Variants in FGGY observed in about 807,000 individuals in gnomAD.
The protein encoded by FGGY is FGGY carbohydrate kinase domain containing.
Under a neutral mutation model 71.3 loss-of-function variants are expected in FGGY, and 72 were observed. The observed-to-expected ratio is 1.01, with a 90% CI of 0.84 to 1.23. FGGY has a LOEUF of 1.23. Among genes scored for constraint, FGGY ranks in the 50% most tolerant of loss-of-function variants. The pLI is 0.00. For missense variants in FGGY, 668 were observed against 682.3 expected (o/e 0.98, Z 0.23); for synonymous variants, 251 against 250.3 (o/e 1.00, Z -0.02).
chr1:59,480,301 C>T (rs1175880268), intron 6 of FGGY, among the ~76,000 whole-genome samples: 1 of 152,168 alleles, frequency 6.6e-6, no homozygotes, highest in Non-Finnish European at 1.5e-5. Context: ...TCTCTGACCT[C>T]AGTTGCCCTC....
At position 59,709,465 on chromosome 1, in the gene FGGY, A is replaced by ATC. The variant is rs762458090; in HGVS notation, c.1512+35333_1512+35334dup. Among the ~76,000 whole-genome samples the ATC allele has an allele frequency of 3.4e-3, 309 of 90,670 alleles. 1 individual carries two copies. Among genetic ancestry groups the ATC allele is most frequent in the African/African-American group, 0.012 (283 of 23,674 alleles). 59.5% of individuals were successfully genotyped at this position (90,670 alleles called of 152,430 possible). A position where few individuals can be genotyped will look rare whatever the true frequency, so the allele number is the denominator to read the frequency against. On this transcript the variant is annotated intron_variant, in intron 14 of 15. Transcript: ENST00000303721. ...AGGTGGAGACACAGAATGAAACTAT[A>ATC]TCACACACACACACACACACACACA... is the stretch of plus-strand genomic sequence containing the variant.
chr1:59,310,401 C>A (rs910558536), intron 1 of FGGY, among the ~76,000 whole-genome samples: 2 of 152,146 alleles, frequency 1.3e-5, no homozygotes, highest in East Asian at 3.8e-4. Context: ...AAAGAGAGGT[C>A]AGGAATTCAC....
intron 8 of FGGY, among the ~76,000 whole-genome samples, chr1:59,602,460 A>T (rs139744985): frequency 0.015 from 2,304 of 152,300 alleles, 58 homozygotes; most frequent in African/African-American, 0.052. Flanking sequence ...TTAAAGGCTC[A>T]TTTCAGTGGG....
chr1:59,678,173 A>G (rs996239614), intron 14 of FGGY, among the ~76,000 whole-genome samples: 2 of 152,222 alleles, frequency 1.3e-5, no homozygotes, highest in East Asian at 1.9e-4. Context: ...AGCCACAGAT[A>G]TGCTGCTCTC....
chr1:59,387,161 A>G (rs1358321504), intron 5 of FGGY, among the ~76,000 whole-genome samples: 3 of 152,130 alleles, frequency 2.0e-5, no homozygotes, highest in African/African-American at 7.2e-5. Context: ...ATTGATCTGT[A>G]GTCATTTTCT....
At chr1:59,480,062 C>T (rs1043367438) in intron 6 of FGGY, among the ~76,000 whole-genome samples, 22 of 152,284 alleles carry the variant, frequency 1.4e-4, no homozygotes, top group African/African-American at 3.9e-4. Flanking sequence ...CCCATAATCT[C>T]GCAACTGGAT....
chr1:59,616,245 A>T lies in FGGY; in HGVS notation c.1011+8335A>T, dbSNP rs557478601. On this transcript the variant is annotated intron_variant, in intron 9 of 15. Coordinates refer to ENST00000303721, the MANE Select transcript of FGGY (RefSeq NM_018291.5). ...GTCTTGGAACCAAGCCAAACATCCA[A>T]CAATGATAGACTGGATTAAGAAAAT... Among the ~76,000 whole-genome samples, 8 of 152,358 alleles carry T rather than the reference A, an allele frequency of 5.3e-5. No homozygotes were observed. The South Asian group carries it at 1.4e-3, about 28-fold the overall frequency.
chr1:59,729,961 A>G (rs907223234), intron 14 of FGGY, among the ~76,000 whole-genome samples: 2 of 152,150 alleles, frequency 1.3e-5, no homozygotes, highest in Admixed American at 6.5e-5. Context: ...AAAATATTTT[A>G]CAGTGTTTAC....
intron 14 of FGGY, among the ~76,000 whole-genome samples, chr1:59,717,869 G>A (rs537834103): frequency 3.3e-5 from 5 of 152,158 alleles, no homozygotes; most frequent in South Asian, 4.2e-4. Context: ...TCTTCTAATC[G>A]CTTAACATAT....
chr1:59,535,547 C>T (rs2095290602), intron 7 of FGGY, among the ~76,000 whole-genome samples: 1 of 152,010 alleles, frequency 6.6e-6, no homozygotes, highest in Non-Finnish European at 1.5e-5. Flanking sequence ...CAGCACCACA[C>T]CACACCTATT....
chr1:59,681,580 C>G (rs1400486937), intron 14 of FGGY, among the ~76,000 whole-genome samples: 1 of 152,204 alleles, frequency 6.6e-6, no homozygotes, highest in Non-Finnish European at 1.5e-5. Context: ...ATTCCTCACT[C>G]TAATTACTAT....
chr1:59,548,337 G>A (rs1380960824), intron 7 of FGGY, among the ~76,000 whole-genome samples: 1 of 152,188 alleles, frequency 6.6e-6, no homozygotes, highest in Non-Finnish European at 1.5e-5. Context: ...ATGGAACCCT[G>A]CTCATGCCAG....
chr1:59,660,353 C>T, intron 12 of FGGY, 60 bp downstream of exon 12: 1 of 1,306,294 alleles, frequency 7.7e-7, no homozygotes. Context: ...CTCTAGGCCA[C>T]TGGCTCCCCA....
chr1:59,626,163 G>A, intron 10 of FGGY, 114 bp downstream of exon 10: 1 of 752,702 alleles, frequency 1.3e-6, no homozygotes, highest in East Asian at 2.7e-5. Flanking sequence ...ATGCCTGTTA[G>A]TGCTTGAAAG....
chr1:59,734,037 G>A (rs973406399), intron 14 of FGGY, among the ~76,000 whole-genome samples: 12 of 152,304 alleles, frequency 7.9e-5, no homozygotes, highest in South Asian at 4.1e-4. Context: ...TGTGGGGTCC[G>A]CGTGGTATGG....
chr1:59,544,079 A>T (rs1166878608), intron 7 of FGGY, among the ~76,000 whole-genome samples: 1 of 152,172 alleles, frequency 6.6e-6, no homozygotes, highest in Admixed American at 6.5e-5. Context: ...CCTTAAATAG[A>T]GTGTAGACGA....
intron 4 of FGGY, among the ~76,000 whole-genome samples, chr1:59,374,258 C>T (rs1417739031): frequency 2.6e-5 from 4 of 152,208 alleles, no homozygotes; most frequent in Non-Finnish European, 5.9e-5. Flanking sequence ...TGAACAGACA[C>T]TTCTCAAAAG....
intron 14 of FGGY, among the ~76,000 whole-genome samples, chr1:59,704,271 C>T (rs11808323): frequency 0.013 from 2,025 of 152,092 alleles, 46 homozygotes; most frequent in African/African-American, 0.046. Context: ...CAGATAACCC[C>T]GAGCACAAAG....
intron 8 of FGGY, among the ~76,000 whole-genome samples, chr1:59,586,014 A>G (rs1474604994): frequency 2.0e-5 from 3 of 152,182 alleles, no homozygotes; most frequent in Non-Finnish European, 4.4e-5. Context: ...GAAACAACAG[A>G]TGCTGGAGAG....
Sources: allele counts gnomAD v4.1 joint callset (sites outside exome capture counted in the v4.1 genomes callset), GRCh38; gene constraint gnomAD v4.1.1; transcripts MANE v1.5; gene names NCBI Gene and HGNC (gene_info 2026-07-23, HGNC 2026-07-21).